IPO13: variants seen among roughly 807,000 people sequenced by gnomAD.
IPO13 encodes the protein importin 13.
In IPO13, 28 loss-of-function variants were observed where a neutral mutation model predicts 115.5. The ratio of observed to expected loss-of-function variants is 0.24; its 90% CI spans 0.18 to 0.33. The LOEUF is 0.33. Among genes scored for constraint, IPO13 ranks in the 10% least tolerant of loss-of-function variants. IPO13 has a pLI of 1.00. For missense variants in IPO13, 785 were observed against 1,204.6 expected (o/e 0.65, Z 5.16); for synonymous variants, 414 against 478.9 (o/e 0.86, Z 1.77).
At chr1:43,954,801 A>G (rs924795981) in intron 2 of IPO13, among the ~76,000 whole-genome samples, 9 of 152,218 alleles carry the variant, frequency 5.9e-5, no homozygotes, top group Admixed American at 3.3e-4. Flanking sequence ...CATAACTTCA[A>G]TTACCAGCTG....
Position 43,966,857 on chromosome 1 carries a change from TG to T in IPO13, c.2524-69del. The T allele has an allele frequency of 6.2e-7, 1 of 1,606,508 alleles. No individual in the cohort carries two copies. Among genetic ancestry groups the T allele is most frequent in the South Asian group, 1.1e-5 (1 of 90,918 alleles). ...TGCCCAGGACTTCAGACAGTAGGGCTGGGGTGTACAGGTCTTGTCCTCAGGG... is the reference window on the plus strand; with the variant it reads ...TGCCCAGGACTTCAGACAGTAGGGCTGGGTGTACAGGTCTTGTCCTCAGGG... On this transcript the variant is annotated intron_variant, in intron 17 of 19. Transcript: ENST00000372343. The surrounding 1 kb of genome is among the most constrained non-coding windows in gnomAD (Gnocchi z 4.1).
chr1:43,957,139 G>A (rs2085256443), intron 5 of IPO13, 56 bp from the exon 6 acceptor site: 20 of 1,594,736 alleles, frequency 1.3e-5, no homozygotes, highest in Non-Finnish European at 1.7e-5. Flanking sequence ...TGGGCTTGGG[G>A]GCAGGATCCA....
rs1474615062 is a variant in IPO13, at chr1:43,956,206, T to C, written c.822-114T>C. The C allele has an allele frequency of 8.2e-7, 1 of 1,223,586 alleles. No individual in the cohort carries two copies. Among genetic ancestry groups the C allele is most frequent in the Admixed American group, 2.4e-5 (1 of 42,248 alleles). The allele number at this position is 1,223,586 out of a possible 1,614,324, so 75.8% of individuals were successfully genotyped here. ...ACCCTGACCCTTTTTTTGCTTAGGA[T>C]TTGATAAGGGAAGGGGAGCTTTGAT... On this transcript the variant is annotated intron_variant, in intron 2 of 19. Coordinates refer to ENST00000372343, the MANE Select transcript of IPO13 (RefSeq NM_014652.4). The surrounding 1 kb of genome is among the most constrained non-coding windows in gnomAD (Gnocchi z 4.7).
At position 43,956,005 on chromosome 1, in the gene IPO13, CAA is replaced by C. The variant is rs5773817; in HGVS notation, c.822-294_822-293del. On this transcript the variant is annotated intron_variant, in intron 2 of 19. Transcript: ENST00000372343. The surrounding 1 kb of genome is among the most constrained non-coding windows in gnomAD (Gnocchi z 4.7). ...TGGGTAACACAGCAAAACCCCATCT[CAA>C]AAAAAAAAAAAAAAAAAAAATCTTA... Among the ~76,000 whole-genome samples, 70,119 of 113,670 alleles carry C rather than the reference CAA, an allele frequency of 0.62. 22,785 individuals carry two copies. Among genetic ancestry groups the C allele is most frequent in the Non-Finnish European group, 0.75 (43,459 of 57,796 alleles). 74.6% of individuals were successfully genotyped at this position (113,670 alleles called of 152,430 possible). A position where few individuals can be genotyped will look rare whatever the true frequency, so the allele number is the denominator to read the frequency against.
At chr1:43,960,195 A>C in intron 11 of IPO13, 54 bp from the exon 12 acceptor site, 1 of 1,564,258 alleles carries the variant, frequency 6.4e-7, no homozygotes, top group Non-Finnish European at 8.8e-7. Flanking sequence ...GTCCTCCTCA[A>C]GTGGGTCACA....
intron 5 of IPO13, 67 bp downstream of exon 5, chr1:43,957,043 C>A: frequency 1.3e-6 from 2 of 1,579,604 alleles, no homozygotes; most frequent in Non-Finnish European, 1.7e-6. Context: ...AGGGAAGGGG[C>A]CCAAGTCCAG....
chr1:43,957,609 A>T (rs1014835480), intron 7 of IPO13, 60 bp downstream of exon 7: 1 of 1,590,040 alleles, frequency 6.3e-7, no homozygotes, highest in African/African-American at 1.3e-5. Context: ...AACCCTGGCC[A>T]CAGCCAGCAT....
At position 43,967,128 on chromosome 1, in the gene IPO13, T is replaced by TTTC. The variant is rs1446972232; in HGVS notation, c.2613+116_2613+118dup. On this transcript the variant is annotated intron_variant, in intron 18 of 19. Coordinates refer to ENST00000372343, the MANE Select transcript of IPO13 (RefSeq NM_014652.4). This position sits in a 1 kb window ranked among gnomAD's most constrained non-coding sequence, Gnocchi z 6.1. The stretch of plus-strand genomic sequence containing the variant: ...TGGTCCCCTAAGCTCTCAGATTCTG[T>TTTC]TTCTTCTTCAATTAAATGCCTGAAA... 10 of 1,183,724 alleles carry TTTC rather than the reference T, an allele frequency of 8.4e-6. No individual in the cohort carries two copies. Among genetic ancestry groups the TTTC allele is most frequent in the Non-Finnish European group, 1.2e-5 (10 of 803,370 alleles). 73.3% of individuals were successfully genotyped at this position (1,183,724 alleles called of 1,614,324 possible). A position where few individuals can be genotyped will look rare whatever the true frequency, so the allele number is the denominator to read the frequency against.
At position 43,958,397 on chromosome 1, in the gene IPO13, C is replaced by T. The variant is rs2085266521; in HGVS notation, c.1750-64C>T. 1 of 1,611,856 alleles carries T rather than the reference C, an allele frequency of 6.2e-7. No homozygotes were observed. The highest frequency in any genetic ancestry group is 8.5e-7 in the Non-Finnish European group (1 of 1,178,836). The stretch of plus-strand genomic sequence containing the variant: ...TCTGTTTTTCTTCTCCCAAGAGGCT[C>T]ATTTTCCTTCCTACCCCACAACTAG... On this transcript the variant is annotated intron_variant, in intron 9 of 19. Transcript: ENST00000372343. The surrounding 1 kb of genome is among the most constrained non-coding windows in gnomAD (Gnocchi z 6.3).
In IPO13 at chr1:43,967,775, T is replaced by C; in HGVS notation, c.*93T>C. 8.5e-7 allele frequency: 1 copy of C among 1,183,076 alleles called. No homozygotes were observed. The allele number at this position is 1,183,076 out of a possible 1,614,324, so 73.3% of individuals were successfully genotyped here. A position where few individuals can be genotyped will look rare whatever the true frequency, so the allele number is the denominator to read the frequency against. ...CTCACTGCTGTCTCTGCCTCCTTTC[T>C]GCTGTCACCACCACCTAACTGAAAG... On this transcript the variant is annotated 3_prime_UTR_variant, in exon 20 of 20. Transcript: ENST00000372343. This position sits in a 1 kb window ranked among gnomAD's most constrained non-coding sequence, Gnocchi z 6.1.
At position 43,964,289 on chromosome 1, in the gene IPO13, A is replaced by G. The variant is rs773870341; in HGVS notation, c.2365A>G (p.Ile789Val). 2 of 1,610,448 alleles carry G rather than the reference A, an allele frequency of 1.2e-6. No individual in the cohort carries two copies. Among genetic ancestry groups the G allele is most frequent in the Non-Finnish European group, 1.7e-6 (2 of 1,177,070 alleles). ...FQQGPRDHPD[I>V]VDSFMQLLAQ... ...TTTAGGGCCCAGGGATCATCCTGAT[A>G]TTGTTGATTCATTTATGCAACTCCT... Residue 789 changes from isoleucine to valine, a missense_variant, in exon 15 of 20, where the codon ATT becomes GTT. Physicochemically the swap from Ile to Val is conservative, Grantham distance 29. Coordinates refer to ENST00000372343, the MANE Select transcript of IPO13 (RefSeq NM_014652.4).
Position 43,966,794 on chromosome 1 carries a change from G to A in IPO13, c.2523+12G>A. On this transcript the variant is annotated intron_variant, in intron 17 of 19. Coordinates refer to ENST00000372343, the MANE Select transcript of IPO13 (RefSeq NM_014652.4). The surrounding 1 kb of genome is among the most constrained non-coding windows in gnomAD (Gnocchi z 4.1). The stretch of plus-strand genomic sequence containing the variant: ...CCTGTGGCTTCTTTGTGAGTCCCAT[G>A]CTGAACCCTGACCCACTGCCACCCC... 6.2e-7 allele frequency: 1 copy of A among 1,613,972 alleles called. No homozygotes were observed. Among genetic ancestry groups the A allele is most frequent in the Non-Finnish European group, 8.5e-7 (1 of 1,179,934 alleles).
At position 43,947,004 on chromosome 1, in the gene IPO13, G is replaced by C. The variant is rs1465328170; in HGVS notation, c.-597G>C. The C allele has an allele frequency of 7.5e-6, 3 of 398,592 alleles. No individual in the cohort carries two copies. The highest frequency in any genetic ancestry group is 4.4e-6 in the Non-Finnish European group (1 of 226,154). The allele number at this position is 398,592 out of a possible 1,614,324, so 24.7% of individuals were successfully genotyped here. On this transcript the variant is annotated 5_prime_UTR_variant, in exon 1 of 20. Transcript: ENST00000372343. ...CAGCGGCTGTAGCGGGGCTGTAGCC[G>C]GGCGTTGAGCACAGCGCGGGCCAGG...
In IPO13 at chr1:43,947,567, C is replaced by T; in HGVS notation, c.-34C>T. On this transcript the variant is annotated 5_prime_UTR_variant, in exon 1 of 20. Transcript: ENST00000372343. ...CAAGGGGCTGGGGCAGGAGACAGAT[C>T]AGGGCCCACCTCCCTGCCAGGGAGG... 1 of 1,217,430 alleles carries T rather than the reference C, an allele frequency of 8.2e-7. No individual in the cohort carries two copies. Among genetic ancestry groups the T allele is most frequent in the East Asian group, 3.2e-5 (1 of 31,666 alleles). 75.4% of individuals were successfully genotyped at this position (1,217,430 alleles called of 1,614,324 possible).
chr1:43,949,978 A>T lies in IPO13; in HGVS notation c.646A>T (p.Ser216Cys). 6.2e-7 allele frequency: 1 copy of T among 1,611,994 alleles called. No homozygotes were observed. Among genetic ancestry groups the T allele is most frequent in the Non-Finnish European group, 8.5e-7 (1 of 1,179,618 alleles). ...GCTGCTACAGCAGCCCAGCTCACCC[A>T]GCTGTGTGCGTCAGAAGGTGCTCAA... ...EQLLQQPSSP[S>C]CVRQKVLKCF... Residue 216 changes from serine (S) to cysteine (C), a missense_variant, in exon 2 of 20, where the codon AGC becomes TGC. This residue lies in a region of IPO13 where 325 missense variants were observed against 449.8 expected (regional missense o/e 0.72). Coordinates refer to ENST00000372343, the MANE Select transcript of IPO13 (RefSeq NM_014652.4).
chr1:43,951,353 G>A (rs547788880), intron 2 of IPO13, among the ~76,000 whole-genome samples: 81 of 152,298 alleles, frequency 5.3e-4, no homozygotes, highest in African/African-American at 1.8e-3. Flanking sequence ...ACCCAGAGGA[G>A]GCTTTCACTG....
chr1:43,964,185 A>G, intron 14 of IPO13, 84 bp from the exon 15 acceptor site: 1 of 890,926 alleles, frequency 1.1e-6, no homozygotes, highest in Non-Finnish European at 1.8e-6. Context: ...GTCTCCCTGC[A>G]GGCTCTCAGT....
chr1:43,961,523 G>T (rs960677528), intron 14 of IPO13, among the ~76,000 whole-genome samples: 3 of 152,172 alleles, frequency 2.0e-5, no homozygotes, highest in African/African-American at 7.2e-5. Flanking sequence ...AAGTGGGGGT[G>T]GGAGGTGGGC....
rs764606081 is a variant in IPO13 at position 43,967,758 on chromosome 1, T to C, written c.*76T>C. 8.6e-5 allele frequency: 115 copies of C among 1,331,914 alleles called. No individual in the cohort carries two copies. In the Middle Eastern group the frequency reaches 1.6e-3, roughly 18 times the overall value. The allele number at this position is 1,331,914 out of a possible 1,614,324, so 82.5% of individuals were successfully genotyped here. A position where few individuals can be genotyped will look rare whatever the true frequency, so the allele number is the denominator to read the frequency against. ...AAGAGTAAACCTGGACCCTCACTGC[T>C]GTCTCTGCCTCCTTTCTGCTGTCAC... On this transcript the variant is annotated 3_prime_UTR_variant, in exon 20 of 20. Coordinates refer to ENST00000372343, the MANE Select transcript of IPO13 (RefSeq NM_014652.4). This position sits in a 1 kb window ranked among gnomAD's most constrained non-coding sequence, Gnocchi z 6.1.
Sources: gnomAD v4.1 joint callset for allele counts (sites outside exome capture counted in the v4.1 genomes callset) on GRCh38, gnomAD v4.1.1 for gene constraint, gnomAD v4.1.1 regional missense constraint, Gnocchi (gnomAD v3.1) non-coding constraint, MANE v1.5 for transcripts, NCBI Gene and HGNC (gene_info 2026-07-23, HGNC 2026-07-21) for gene names.